LRPPRC: variants seen among roughly 807,000 people sequenced by gnomAD.
LRPPRC encodes the protein leucine-rich PPR motif-containing protein, mitochondrial.
LRPPRC carries 120 observed loss-of-function variants against 180.3 expected under a neutral mutation model. That is an observed-to-expected ratio of 0.67 (90% confidence interval 0.57 to 0.77). The LOEUF (loss-of-function observed/expected upper bound fraction) is 0.77. LRPPRC is among the 30% of genes least tolerant of loss of function. The probability of loss-of-function intolerance (pLI) is 0.00; values close to 1 mark genes in which losing one functional copy is unlikely to be tolerated. For missense variants in LRPPRC, 2,012 were observed against 1,657.2 expected (o/e 1.21, Z -3.72); for synonymous variants, 723 against 600.0 (o/e 1.21, Z -3.00).
intron 13 of LRPPRC, among the ~76,000 whole-genome samples, chr2:43,959,799 G>A (rs980117083): frequency 6.6e-6 from 1 of 152,092 alleles, no homozygotes; most frequent in Non-Finnish European, 1.5e-5. Flanking sequence ...CAGGAGAATC[G>A]CTTCAACTCA....
In LRPPRC at chr2:43,886,717, T is replaced by C. The variant is rs1474971557; in HGVS notation, c.*1883A>G. 6.6e-6 allele frequency: 1 copy of C among 152,190 alleles called. No individual in the cohort carries two copies. The highest frequency in any genetic ancestry group is 2.4e-5 in the African/African-American group (1 of 41,440). 9.4% of individuals were successfully genotyped at this position (152,190 alleles called of 1,614,324 possible). ...AAAAAGATGACTGCGAAATCCAGAT[T>C]ACACCCCAACGTTATGCCTCACCTT... On this transcript the variant is annotated 3_prime_UTR_variant, in exon 38 of 38. Coordinates refer to ENST00000260665, the MANE Select transcript of LRPPRC (RefSeq NM_133259.4).
At chr2:43,966,144 G>A (rs1302597992) in intron 11 of LRPPRC, among the ~76,000 whole-genome samples, 2 of 151,984 alleles carry the variant, frequency 1.3e-5, no homozygotes, top group Middle Eastern at 3.4e-3. Flanking sequence ...AGAAAATCCT[G>A]TCATTTACAA....
At position 43,934,437 on chromosome 2, in the gene LRPPRC, C is replaced by T. The variant is rs1213515041; in HGVS notation, c.2630-141G>A. ...AATAACTTAAAGAATATAGCTATAT[C>T]GACTAATTAAGTACCTAACAGAGTA... On this transcript the variant is annotated intron_variant, in intron 24 of 37. Coordinates refer to ENST00000260665, the MANE Select transcript of LRPPRC (RefSeq NM_133259.4). 8.9e-5 allele frequency: 55 copies of T among 620,356 alleles called. No homozygotes were observed. In the South Asian group the frequency reaches 9.2e-4, roughly 10 times the overall value. 38.4% of individuals were successfully genotyped at this position (620,356 alleles called of 1,614,324 possible). A position where few individuals can be genotyped will look rare whatever the true frequency, so the allele number is the denominator to read the frequency against.
chr2:43,995,727 C>T, intron 1 of LRPPRC, 72 bp downstream of exon 1: 4 of 1,297,150 alleles, frequency 3.1e-6, no homozygotes, highest in Non-Finnish European at 3.9e-6. Context: ...AGGACCCGGT[C>T]CCTGCCGGCA....
intron 36 of LRPPRC, among the ~76,000 whole-genome samples, chr2:43,891,204 C>T (rs749987821): frequency 7.9e-5 from 12 of 152,204 alleles, no homozygotes; most frequent in Admixed American, 5.9e-4. Context: ...GAAGCTGCTC[C>T]GAAAATTCTG....
intron 12 of LRPPRC, among the ~76,000 whole-genome samples, chr2:43,962,702 A>G (rs1361238307): frequency 6.6e-6 from 1 of 152,230 alleles, no homozygotes; most frequent in Non-Finnish European, 1.5e-5. Flanking sequence ...AACTTCTGGT[A>G]GAAAAACAAA....
At chr2:43,918,830 TAG>T (rs1380546659) in intron 27 of LRPPRC, among the ~76,000 whole-genome samples, 69 of 146,786 alleles carry the variant, frequency 4.7e-4, no homozygotes, top group Non-Finnish European at 6.6e-4. Flanking sequence ...TATCTATATA[TAG>T]ATATCTCTAT....
intron 1 of LRPPRC, among the ~76,000 whole-genome samples, chr2:43,990,891 G>A (rs1047638045): frequency 2.0e-5 from 3 of 150,928 alleles, no homozygotes; most frequent in African/African-American, 7.3e-5. Flanking sequence ...CGTAGCCCAG[G>A]CTGGAGTGCA....
chr2:43,923,986 T>C (rs1307695852), intron 27 of LRPPRC, among the ~76,000 whole-genome samples: 1 of 152,176 alleles, frequency 6.6e-6, no homozygotes, highest in African/African-American at 2.4e-5. Flanking sequence ...AATTTGATCA[T>C]CGTTCAAGCC....
At position 43,929,123 on chromosome 2, in the gene LRPPRC, T is replaced by C. The variant is rs1033604708; in HGVS notation, c.2737-3162A>G. ...CATCTTTTTACAAGATGAATTTCTA[T>C]CTGAAATGGCAGGCAACCAGAACTG... is the stretch of plus-strand genomic sequence containing the variant. On this transcript the variant is annotated intron_variant, in intron 25 of 37. Transcript: ENST00000260665. 2.6e-4 allele frequency among the ~76,000 whole-genome samples: 39 copies of C among 152,208 alleles called. 1 individual carries two copies. The highest frequency in any genetic ancestry group is 8.7e-4 in the African/African-American group (36 of 41,450).
In LRPPRC at chr2:43,982,452, AT is replaced by A. The variant is rs777754167; in HGVS notation, c.150-19del. On this transcript the variant is annotated intron_variant, in intron 1 of 37. Coordinates refer to ENST00000260665, the MANE Select transcript of LRPPRC (RefSeq NM_133259.4). ...GTAGTCCTCTAAAAAATGAAACATA[AT>A]TAATAATAATCAGTTGCTATCTATT... The A allele has an allele frequency of 2.6e-4, 416 of 1,571,348 alleles. No individual in the cohort carries two copies. Among genetic ancestry groups the A allele is most frequent in the Non-Finnish European group, 3.4e-4 (393 of 1,141,518 alleles).
At chr2:43,959,250 T>C (rs1449526587) in intron 13 of LRPPRC, 1 of 712,266 alleles carries the variant, frequency 1.4e-6, no homozygotes, top group Admixed American at 2.0e-5. Context: ...GAAGGCAAAA[T>C]CAATACACTC....
At chr2:43,992,649 G>A (rs1307857196) in intron 1 of LRPPRC, among the ~76,000 whole-genome samples, 1 of 152,182 alleles carries the variant, frequency 6.6e-6, no homozygotes, top group Non-Finnish European at 1.5e-5. Flanking sequence ...AGATCTAACA[G>A]GGCTTAATCA....
At chr2:43,928,806 G>A (rs1231057219) in intron 25 of LRPPRC, among the ~76,000 whole-genome samples, 1 of 151,736 alleles carries the variant, frequency 6.6e-6, no homozygotes. Context: ...CCCAAGTACC[G>A]TCCAAGTACA....
At chr2:43,987,554 C>T (rs1252799474) in intron 1 of LRPPRC, among the ~76,000 whole-genome samples, 1 of 150,876 alleles carries the variant, frequency 6.6e-6, no homozygotes, top group Non-Finnish European at 1.5e-5. Context: ...ACCAACCATT[C>T]CACTAATACC....
intron 1 of LRPPRC, among the ~76,000 whole-genome samples, chr2:43,988,620 T>C (rs889159337): frequency 2.0e-5 from 3 of 152,106 alleles, no homozygotes; most frequent in Admixed American, 6.5e-5. Flanking sequence ...TCTGAGTTTT[T>C]GTTTGTTTGT....
intron 35 of LRPPRC, 131 bp downstream of exon 35, chr2:43,896,503 C>T: frequency 3.0e-6 from 2 of 674,466 alleles, no homozygotes; most frequent in South Asian, 3.3e-5. Context: ...TAAGTAGAGA[C>T]AAGCAAAGTC....
intron 3 of LRPPRC, 110 bp downstream of exon 3, chr2:43,979,716 G>C (rs977794593): frequency 1.1e-6 from 1 of 875,926 alleles, no homozygotes; most frequent in South Asian, 1.5e-5. Flanking sequence ...TATGAATCAA[G>C]TAGCCCTTCC....
At position 43,948,486 on chromosome 2, in the gene LRPPRC, C is replaced by T. The variant is rs879003555; in HGVS notation, c.1768G>A (p.Asp590Asn). ...AVGYFLYNLI[D>N]SMSDSEVQAK... ...TGTACCTCTGAGTCACTCATGCTGT[C>T]AATCAAGTTATAAAGAAAATAGCCA... The change falls in exon 17 of 38, where the codon GAC becomes AAC. Residue 590 changes from aspartate (D) to asparagine (N), a missense_variant. By Grantham distance (23) the Asp-to-Asn change is conservative. Transcript: ENST00000260665. 2 of 1,610,034 alleles carry T rather than the reference C, an allele frequency of 1.2e-6. No individual in the cohort carries two copies. The highest frequency in any genetic ancestry group is 1.7e-5 in the Admixed American group (1 of 59,992).
Sources: allele counts gnomAD v4.1 joint callset (sites outside exome capture counted in the v4.1 genomes callset), GRCh38; gene constraint gnomAD v4.1.1; transcripts MANE v1.5; gene names NCBI Gene and HGNC (gene_info 2026-07-23, HGNC 2026-07-21).